Variants in LRP1B observed in about 807,000 individuals in gnomAD.
The protein encoded by LRP1B is low-density lipoprotein receptor-related protein 1B.
A neutral mutation model predicts 556.6 loss-of-function variants in LRP1B; 217 were observed. That is an observed-to-expected ratio of 0.39 (90% CI 0.35 to 0.44). The LOEUF is 0.44. Among genes scored for constraint, LRP1B ranks in the 20% least tolerant of loss-of-function variants. The pLI is 1.00. For synonymous variants in LRP1B, 2,047 were observed against 1,865.8 expected (o/e 1.10, Z -2.50); for missense variants, 5,053 against 5,620.8 (o/e 0.90, Z 3.23).
At chr2:141,247,402 CTT>C in intron 4 of LRP1B, 48 bp from the exon 5 acceptor site, 1 of 1,587,804 alleles carries the variant, frequency 6.3e-7, no homozygotes, top group South Asian at 1.1e-5. Flanking sequence ...ATCTTGGGCA[CTT>C]TTTTTTCTCC....
intron 2 of LRP1B, among the ~76,000 whole-genome samples, chr2:141,491,524 G>T (rs1574008525): frequency 6.6e-6 from 1 of 152,216 alleles, no homozygotes; most frequent in Non-Finnish European, 1.5e-5. Flanking sequence ...CTGCAATTTT[G>T]AAGTTCAGGG....
At chr2:141,160,921 T>C (rs1372331573) in intron 7 of LRP1B, among the ~76,000 whole-genome samples, 1 of 151,920 alleles carries the variant, frequency 6.6e-6, no homozygotes, top group African/African-American at 2.4e-5. Context: ...TGAATAGTGG[T>C]TACAATTAAG....
chr2:141,667,046 G>A (rs1690467530), intron 2 of LRP1B, among the ~76,000 whole-genome samples: 1 of 151,956 alleles, frequency 6.6e-6, no homozygotes, highest in Non-Finnish European at 1.5e-5. Flanking sequence ...AACTATTAGA[G>A]AGGCAAAGTT....
rs2105188381 is a variant in LRP1B, at chr2:140,598,652, T to C, written c.7173A>G (p.Glu2391=). The C allele has an allele frequency of 6.2e-7, 1 of 1,613,460 alleles. No homozygotes were observed. Residue 2391 remains glutamate, a synonymous_variant, in exon 43 of 91, where the codon GAA becomes GAG. Transcript: ENST00000389484. ...TTACATGTCTCTGGGATCCATCGTATTCACACCTTTCAATTTTTCCTAGAC... is the reference window on the plus strand; with the variant it reads ...TTACATGTCTCTGGGATCCATCGTACTCACACCTTTCAATTTTTCCTAGAC... ...DGSLGKIERC[E]YDGSQRHVIV...
chr2:140,246,580 T>C (rs918746645), intron 87 of LRP1B, among the ~76,000 whole-genome samples: 1 of 38,246 alleles, frequency 2.6e-5, no homozygotes, highest in Non-Finnish European at 1.3e-4. Flanking sequence ...TCAAAACCAA[T>C]ACTTTAAAGA....
chr2:140,830,376 G>A (rs141900768), intron 31 of LRP1B, among the ~76,000 whole-genome samples: 117 of 151,930 alleles, frequency 7.7e-4, no homozygotes, highest in Non-Finnish European at 4.0e-4. Context: ...AACCAAATTC[G>A]ACAACATATT....
chr2:142,113,560 C>G (rs762149384), intron 1 of LRP1B, among the ~76,000 whole-genome samples: 2 of 151,282 alleles, frequency 1.3e-5, no homozygotes, highest in Non-Finnish European at 2.9e-5. Context: ...TCATCAGCCA[C>G]CAGAAATTTT....
intron 37 of LRP1B, among the ~76,000 whole-genome samples, chr2:140,705,055 A>G (rs1452442357): frequency 6.6e-6 from 1 of 152,102 alleles, no homozygotes; most frequent in Non-Finnish European, 1.5e-5. Flanking sequence ...CATGGCCAAT[A>G]AGAGGGCAAG....
Position 140,580,762 on chromosome 2 carries a change from T to A in LRP1B, c.7194+17869A>T, listed in dbSNP as rs149959251. 2.6e-5 allele frequency among the ~76,000 whole-genome samples: 4 copies of A among 151,974 alleles called. No homozygotes were observed. In the East Asian group the frequency reaches 7.7e-4, roughly 29 times the overall value. On this transcript the variant is annotated intron_variant, in intron 43 of 90. Coordinates refer to ENST00000389484, the MANE Select transcript of LRP1B (RefSeq NM_018557.3). ...ATGGCTTTTTATCTTTTTTAAACAG[T>A]CCTTTGGGAGGAACTAGAAGCAGAG...
At chr2:140,718,628 AT>A (rs1687292512) in intron 35 of LRP1B, among the ~76,000 whole-genome samples, 1 of 152,058 alleles carries the variant, frequency 6.6e-6, no homozygotes, top group African/African-American at 2.4e-5. Context: ...GGAAAAAAAA[AT>A]GTAAATAAGA....
In LRP1B at chr2:141,811,966, G is replaced by A. The variant is rs574672571; in HGVS notation, c.83-1565C>T. Among the ~76,000 whole-genome samples, 8 of 152,250 alleles carry A rather than the reference G, an allele frequency of 5.3e-5. No homozygotes were observed. In the South Asian group the frequency reaches 1.7e-3, roughly 32 times the overall value. ...TTCCTCTAAAGATGGGTGGGCTTTGGATAAGTGGAATATAGGACATTTCAG... is the reference window on the plus strand; with the variant it reads ...TTCCTCTAAAGATGGGTGGGCTTTGAATAAGTGGAATATAGGACATTTCAG... On this transcript the variant is annotated intron_variant, in intron 1 of 90. Transcript: ENST00000389484.
chr2:140,701,982 G>C, intron 39 of LRP1B, 137 bp from the exon 40 acceptor site: 4 of 1,302,256 alleles, frequency 3.1e-6, no homozygotes, highest in Non-Finnish European at 4.3e-6. Flanking sequence ...AAATGCTTCA[G>C]CTTGGAATAG....
chr2:140,884,866 C>T (rs1342115519), intron 24 of LRP1B, among the ~76,000 whole-genome samples: 1 of 152,076 alleles, frequency 6.6e-6, no homozygotes, highest in Non-Finnish European at 1.5e-5. Flanking sequence ...GTGCACACAA[C>T]CACACCCAGC....
At chr2:141,941,354 A>G (rs932488733) in intron 1 of LRP1B, among the ~76,000 whole-genome samples, 1 of 152,140 alleles carries the variant, frequency 6.6e-6, no homozygotes, top group African/African-American at 2.4e-5. Flanking sequence ...TTGATGGTGT[A>G]TTTGCTAATT....
At chr2:141,124,972 A>C in intron 7 of LRP1B, among the ~76,000 whole-genome samples, 1 of 152,152 alleles carries the variant, frequency 6.6e-6, no homozygotes. Flanking sequence ...AGTCTAGTGA[A>C]CCAGAAAATC....
At chr2:140,786,736 C>T (rs571490897) in intron 32 of LRP1B, among the ~76,000 whole-genome samples, 2 of 152,268 alleles carry the variant, frequency 1.3e-5, no homozygotes, top group East Asian at 3.9e-4. Context: ...AAACTCTTTC[C>T]ATTCATTGTT....
In LRP1B at chr2:140,506,860, G is replaced by A. The variant is rs2104907267; in HGVS notation, c.8457C>T (p.Pro2819=). The A allele has an allele frequency of 6.2e-7, 1 of 1,613,982 alleles. No homozygotes were observed. Among genetic ancestry groups the A allele is most frequent in the Non-Finnish European group, 8.5e-7 (1 of 1,179,942 alleles). The change falls in exon 53 of 91, where the codon CCC becomes CCT. Residue 2819 remains proline (P), a synonymous_variant. Coordinates refer to ENST00000389484, the MANE Select transcript of LRP1B (RefSeq NM_018557.3). ...AFMCHNKVCI[P]KQFVCDHDDD... The stretch of plus-strand genomic sequence containing the variant: ...CATCATGGTCACAAACAAATTGCTT[G>A]GGAATGCATACTTTATTATGGCACA...
intron 1 of LRP1B, among the ~76,000 whole-genome samples, chr2:141,909,778 A>G (rs944121123): frequency 6.6e-6 from 1 of 151,978 alleles, no homozygotes; most frequent in Non-Finnish European, 1.5e-5. Context: ...AATGCAACAT[A>G]AGAAATTCTA....
intron 27 of LRP1B, among the ~76,000 whole-genome samples, chr2:140,865,028 G>C: frequency 6.6e-6 from 1 of 152,026 alleles, no homozygotes; most frequent in East Asian, 1.9e-4. Context: ...CCCTCATGCT[G>C]TAAATTTTTC....
Sources: gnomAD v4.1 joint callset for allele counts (sites outside exome capture counted in the v4.1 genomes callset) on GRCh38, gnomAD v4.1.1 for gene constraint, MANE v1.5 for transcripts, NCBI Gene and HGNC (gene_info 2026-07-23, HGNC 2026-07-21) for gene names.